GDPD1: variants seen among roughly 807,000 people sequenced by gnomAD.
GDPD1 encodes the protein glycerophosphodiester phosphodiesterase domain containing 1.
In GDPD1, 28 loss-of-function variants were observed where a neutral mutation model predicts 45.1. That is an observed-to-expected ratio of 0.62 (90% CI 0.46 to 0.85). GDPD1 has a LOEUF of 0.85. Ranked by LOEUF, GDPD1 falls within the 40% of genes least tolerant of loss-of-function variation. GDPD1 has a pLI of 0.00. For synonymous variants in GDPD1, 139 were observed against 131.4 expected (o/e 1.06, Z -0.40); for missense variants, 256 against 364.8 (o/e 0.70, Z 2.43).
At chr17:59,221,319 C>A (rs1356412297) in intron 1 of GDPD1, among the ~76,000 whole-genome samples, 1 of 151,980 alleles carries the variant, frequency 6.6e-6, no homozygotes, top group African/African-American at 2.4e-5. Context: ...GAAACCGAGT[C>A]CCCCGAGCCA....
Position 59,273,703 on chromosome 17 carries a change from TG to T in GDPD1, c.878del (p.Gly293GlufsTer5). 6.3e-7 allele frequency: 1 copy of T among 1,594,876 alleles called. No homozygotes were observed. The highest frequency in any genetic ancestry group is 2.3e-5 in the East Asian group (1 of 44,180). On this transcript the variant is annotated frameshift_variant, in exon 10 of 10. Transcript: ENST00000284116. LOFTEE classifies it high-confidence loss of function. Reference sequence around the variant, plus strand: ...CAAGAATACAAAAGAGCTTTTGATTTGGGAGCAACTGGGGTGATGACAGACT... The same window carrying T: ...CAAGAATACAAAAGAGCTTTTGATTTGGAGCAACTGGGGTGATGACAGACT... ...EEQEYKRAFD[L>X]GATGVMTDYP... is the part of the protein sequence containing the mutation.
Position 59,267,131 on chromosome 17 carries a change from C to T in GDPD1, c.667C>T (p.Arg223Ter), listed in dbSNP as rs202142078. The T allele has an allele frequency of 7.4e-6, 12 of 1,613,744 alleles. No homozygotes were observed. The highest frequency in any genetic ancestry group is 6.7e-5 in the African/African-American group (5 of 74,874). The change falls in exon 7 of 10, where the codon CGA becomes TGA. Residue 223 changes from arginine to a stop codon, truncating the protein, a stop_gained. Coordinates refer to ENST00000284116, the MANE Select transcript of GDPD1 (RefSeq NM_182569.4). LOFTEE classifies it high-confidence loss of function. The part of the protein sequence containing the change: ...FTGLLPFVPI[R>*]EQFFEIPMPS... ...TGGCCTCTTGCCCTTTGTGCCCATT[C>T]GAGAACAGTTTTTTGAAATCCCAAT...
At chr17:59,272,904 A>C (rs1568353354) in intron 9 of GDPD1, 68 bp downstream of exon 9, 1 of 1,612,348 alleles carries the variant, frequency 6.2e-7, no homozygotes, top group African/African-American at 1.3e-5. Flanking sequence ...TATAAAGGGC[A>C]AGAACTTTTA....
Position 59,273,631 on chromosome 17 carries a change from C to A in GDPD1, c.823-20C>A. 1 of 1,360,354 alleles carries A rather than the reference C, an allele frequency of 7.4e-7. No homozygotes were observed. Among genetic ancestry groups the A allele is most frequent in the Non-Finnish European group, 1.0e-6 (1 of 978,640 alleles). The allele number at this position is 1,360,354 out of a possible 1,614,324, so 84.3% of individuals were successfully genotyped here. A position where few individuals can be genotyped will look rare whatever the true frequency, so the allele number is the denominator to read the frequency against. The stretch of plus-strand genomic sequence containing the variant: ...TATTTTAACATTTCTTCTCATACTT[C>A]TCACACTTCTAATTTTCAGGTGTAT... On this transcript the variant is annotated intron_variant, in intron 9 of 9. Transcript: ENST00000284116.
intron 1 of GDPD1, among the ~76,000 whole-genome samples, chr17:59,233,473 C>T (rs1225135541): frequency 6.9e-6 from 1 of 145,696 alleles, no homozygotes; most frequent in Non-Finnish European, 1.5e-5. Context: ...GATAGTGCCA[C>T]TGCACTCCAG....
intron 2 of GDPD1, among the ~76,000 whole-genome samples, chr17:59,244,636 T>A (rs1018107829): frequency 6.6e-6 from 1 of 152,138 alleles, no homozygotes; most frequent in Admixed American, 6.6e-5. Flanking sequence ...CCTGTCTAAT[T>A]TGGATGCTTT....
chr17:59,255,020 A>G (rs1405374590), intron 4 of GDPD1, among the ~76,000 whole-genome samples: 2 of 152,136 alleles, frequency 1.3e-5, no homozygotes, highest in Non-Finnish European at 2.9e-5. Context: ...GAATTACAAG[A>G]AGTATAGTAA....
chr17:59,270,609 G>A (rs2047437346), intron 7 of GDPD1, among the ~76,000 whole-genome samples: 1 of 152,130 alleles, frequency 6.6e-6, no homozygotes, highest in African/African-American at 2.4e-5. Flanking sequence ...AGGAGACAAA[G>A]CAGGAGAAAG....
chr17:59,245,899 T>A (rs1438823802), intron 3 of GDPD1, among the ~76,000 whole-genome samples: 1 of 151,982 alleles, frequency 6.6e-6, no homozygotes, highest in Non-Finnish European at 1.5e-5. Context: ...GGCGGGTGGA[T>A]CACCTGAGGT....
intron 1 of GDPD1, among the ~76,000 whole-genome samples, chr17:59,228,970 TA>T (rs948350556): frequency 1.2e-4 from 18 of 150,420 alleles, no homozygotes; most frequent in African/African-American, 3.4e-4. Context: ...CTGTTGCAGC[TA>T]AAAAAAAATT....
At chr17:59,222,442 G>T (rs2047012729) in intron 1 of GDPD1, among the ~76,000 whole-genome samples, 1 of 149,032 alleles carries the variant, frequency 6.7e-6, no homozygotes, top group Admixed American at 6.8e-5. Flanking sequence ...TCCTGACCTC[G>T]TGATCCGCCC....
chr17:59,255,810 T>TAC (rs1158855266), intron 4 of GDPD1, among the ~76,000 whole-genome samples: 2 of 85,738 alleles, frequency 2.3e-5, no homozygotes, highest in Non-Finnish European at 4.1e-5. Flanking sequence ...TATATATATA[T>TAC]ACGCGTATAT....
Position 59,220,848 on chromosome 17 carries a change from T to G in GDPD1, c.142+97T>G, listed in dbSNP as rs1275780848. 3 of 1,377,948 alleles carry G rather than the reference T, an allele frequency of 2.2e-6. No individual in the cohort carries two copies. The African/African-American group carries it at 4.3e-5, about 20-fold the overall frequency. 85.4% of individuals were successfully genotyped at this position (1,377,948 alleles called of 1,614,324 possible). On this transcript the variant is annotated intron_variant, in intron 1 of 9. Coordinates refer to ENST00000284116, the MANE Select transcript of GDPD1 (RefSeq NM_182569.4). ...CAGCCGGGTGCCAATCCCTGAGAGTTTGAGGAAGAATGGGGTTGTGTGAAT... is the reference window on the plus strand; with the variant it reads ...CAGCCGGGTGCCAATCCCTGAGAGTGTGAGGAAGAATGGGGTTGTGTGAAT...
chr17:59,250,870 T>C (rs1210634410), intron 4 of GDPD1, among the ~76,000 whole-genome samples: 2 of 151,988 alleles, frequency 1.3e-5, no homozygotes, highest in Non-Finnish European at 2.9e-5. Flanking sequence ...CGACTAATTT[T>C]TGTATTTTTA....
intron 1 of GDPD1, among the ~76,000 whole-genome samples, chr17:59,222,505 C>CTTTTTTTGTTTTTTT (rs2047013568): frequency 2.4e-5 from 1 of 41,754 alleles, no homozygotes; most frequent in Non-Finnish European, 4.6e-5. Context: ...AGTGCCCAGC[C>CTTTTTTTGTTTTTTT]TTTTTTTTTT....
intron 7 of GDPD1, 47 bp downstream of exon 7, chr17:59,267,221 A>T (rs1432262836): frequency 6.5e-7 from 1 of 1,529,322 alleles, no homozygotes; most frequent in Admixed American, 1.8e-5. Context: ...AATTACAGAA[A>T]GACTAAGATA....
At chr17:59,246,406 G>C (rs1478115520) in intron 3 of GDPD1, among the ~76,000 whole-genome samples, 1 of 151,908 alleles carries the variant, frequency 6.6e-6, no homozygotes, top group Non-Finnish European at 1.5e-5. Flanking sequence ...ATCACCAGAG[G>C]TCAGGAGTTC....
intron 1 of GDPD1, among the ~76,000 whole-genome samples, chr17:59,225,131 G>GCC (rs921232541): frequency 5.1e-5 from 5 of 98,744 alleles, no homozygotes; most frequent in Middle Eastern, 0.011. Context: ...TTGCTCTGTT[G>GCC]CCCAGGCTGG....
At chr17:59,222,631 C>T (rs1358395356) in intron 1 of GDPD1, among the ~76,000 whole-genome samples, 1 of 150,386 alleles carries the variant, frequency 6.6e-6, no homozygotes, top group African/African-American at 2.4e-5. Flanking sequence ...TCTCCTGCCT[C>T]AGCCTCCCGA....
Sources: gnomAD v4.1 joint callset for allele counts (sites outside exome capture counted in the v4.1 genomes callset) on GRCh38, gnomAD v4.1.1 for gene constraint, MANE v1.5 for transcripts, NCBI Gene and HGNC (gene_info 2026-07-23, HGNC 2026-07-21) for gene names.